Variants in ATP13A4 observed in about 807,000 individuals in gnomAD.
ATP13A4 encodes the protein ATPase 13A4, also known as probable cation-transporting ATPase 13A4.
A neutral mutation model predicts 142.5 loss-of-function variants in ATP13A4; 114 were observed. That is an observed-to-expected ratio of 0.80 (90% CI 0.69 to 0.93). ATP13A4 has a LOEUF of 0.93. Among genes scored for constraint, ATP13A4 ranks in the 40% least tolerant of loss-of-function variants. The pLI, the probability that ATP13A4 is intolerant of heterozygous loss-of-function variation, is 0.00. For synonymous variants in ATP13A4, 488 were observed against 514.8 expected (o/e 0.95, Z 0.70); for missense variants, 1,392 against 1,454.0 (o/e 0.96, Z 0.69).
intron 1 of ATP13A4, among the ~76,000 whole-genome samples, chr3:193,517,719 G>A (rs993898240): frequency 2.0e-5 from 3 of 151,788 alleles, no homozygotes; most frequent in Admixed American, 6.6e-5. Context: ...TCCTGACCTC[G>A]TGATCTGCCC....
At chr3:193,464,854 C>T in intron 12 of ATP13A4, 86 bp downstream of exon 12, 1 of 1,416,342 alleles carries the variant, frequency 7.1e-7, no homozygotes, top group East Asian at 2.3e-5. Context: ...TTCTATGTCT[C>T]CTGCCTTGCA....
At chr3:193,542,703 A>C (rs1461825498) in intron 1 of ATP13A4, among the ~76,000 whole-genome samples, 1 of 152,202 alleles carries the variant, frequency 6.6e-6, no homozygotes, top group East Asian at 1.9e-4. Context: ...ATCTTTGACA[A>C]ACCTGACAAA....
At chr3:193,496,828 AAATAAATAAAT>A (rs1577023402) in intron 3 of ATP13A4, among the ~76,000 whole-genome samples, 2 of 150,520 alleles carry the variant, frequency 1.3e-5, no homozygotes, top group African/African-American at 2.5e-5. Flanking sequence ...ATAAATAAAT[AAATAAATAAAT>A]AAAACTGAGA....
chr3:193,404,208 T>C (rs1714381926), intron 29 of ATP13A4: 1 of 960,150 alleles, frequency 1.0e-6, no homozygotes, highest in South Asian at 4.8e-5. Flanking sequence ...TTTAAAATCT[T>C]ACTTACTTCA....
chr3:193,440,535 A>G, intron 21 of ATP13A4, 23 bp downstream of exon 21: 1 of 1,613,638 alleles, frequency 6.2e-7, no homozygotes, highest in Non-Finnish European at 8.5e-7. Context: ...AGTTCATGCC[A>G]CCTGCACTGG....
chr3:193,467,419 CTG>C lies in ATP13A4; in HGVS notation c.1009_1010del (p.Gln337GlufsTer2). 1 of 1,614,066 alleles carries C rather than the reference CTG, an allele frequency of 6.2e-7. No homozygotes were observed. The highest frequency in any genetic ancestry group is 8.5e-7 in the Non-Finnish European group (1 of 1,180,000). Reference sequence around the variant, plus strand: ...CATGCCGCTTGTAATCCGCTTCACTCTGTGTTTTCCAGGGCACAGAGCTATCC... The same window carrying C: ...CATGCCGCTTGTAATCCGCTTCACTCTGTTTTCCAGGGCACAGAGCTATCC... ...KMDSSVPWKT[Q>X]SEADYKRHVL... On this transcript the variant is annotated frameshift_variant, in exon 10 of 30. Transcript: ENST00000342695. LOFTEE classifies it high-confidence loss of function.
At position 193,400,517 on chromosome 3, in the gene ATP13A4, A is replaced by G. The variant is rs1161205273; in HGVS notation, c.*2135T>C. 6.6e-6 allele frequency among the ~76,000 whole-genome samples: 1 copy of G among 152,212 alleles called. No homozygotes were observed. Among genetic ancestry groups the G allele is most frequent in the Non-Finnish European group, 1.5e-5 (1 of 68,040 alleles). Reference sequence around the variant, plus strand: ...GCCTGGTATTAGCAAAGGGTTGCCCATTCTTTGCTTGACTGTGAGATCACA... The same window carrying G: ...GCCTGGTATTAGCAAAGGGTTGCCCGTTCTTTGCTTGACTGTGAGATCACA... On this transcript the variant is annotated 3_prime_UTR_variant, in exon 30 of 30. Coordinates refer to ENST00000342695, the MANE Select transcript of ATP13A4 (RefSeq NM_032279.4).
rs944562038 is a variant in ATP13A4, at chr3:193,530,498, G to A, written c.61-15627C>T. On this transcript the variant is annotated intron_variant, in intron 1 of 29. Transcript: ENST00000342695. ...CTCCCCACGTTCCCTGAACAGCTGA[G>A]GAGTCCAAGGTCTATTGATTGTCTT... 3.3e-5 allele frequency among the ~76,000 whole-genome samples: 5 copies of A among 152,158 alleles called. No individual in the cohort carries two copies. The East Asian group carries it at 5.8e-4, about 18-fold the overall frequency.
chr3:193,555,554 A>C (rs186492666), upstream of ATP13A4, among the ~76,000 whole-genome samples: 56 of 152,364 alleles, frequency 3.7e-4, no homozygotes, highest in African/African-American at 1.3e-3. Context: ...TCAACACTTA[A>C]GGAAGTCTAG....
At chr3:193,460,605 G>T (rs1717892569) in intron 13 of ATP13A4, among the ~76,000 whole-genome samples, 1 of 152,200 alleles carries the variant, frequency 6.6e-6, no homozygotes, top group South Asian at 2.1e-4. Flanking sequence ...TATCTAAAAG[G>T]AAGAGACCAC....
rs1433814394 is a variant in ATP13A4, at chr3:193,401,880, T to C, written c.*772A>G. ...AATGAGATATGAGTAGGGAAAGCAA[T>C]GTGTGCCACTTTTGGGGTGAGGCAG... On this transcript the variant is annotated 3_prime_UTR_variant, in exon 30 of 30. Coordinates refer to ENST00000342695, the MANE Select transcript of ATP13A4 (RefSeq NM_032279.4). Among the ~76,000 whole-genome samples the C allele has an allele frequency of 6.6e-6, 1 of 151,930 alleles. No homozygotes were observed. Among genetic ancestry groups the C allele is most frequent in the Non-Finnish European group, 1.5e-5 (1 of 67,992 alleles).
At chr3:193,584,225 A>G (rs1446778638) in intron 1 of ATP13A4, among the ~76,000 whole-genome samples, 1 of 152,176 alleles carries the variant, frequency 6.6e-6, no homozygotes, top group African/African-American at 2.4e-5. Context: ...ACGGATGCTT[A>G]CATGTGGAAA....
intron 18 of ATP13A4, among the ~76,000 whole-genome samples, chr3:193,444,550 T>A (rs1716831002): frequency 6.6e-6 from 1 of 152,098 alleles, no homozygotes; most frequent in African/African-American, 2.4e-5. Context: ...AATATAAAAG[T>A]CTAATTTTCT....
chr3:193,452,952 G>T (rs1236880600), intron 17 of ATP13A4, among the ~76,000 whole-genome samples: 1 of 151,870 alleles, frequency 6.6e-6, no homozygotes. Context: ...AGATTGTACT[G>T]TTTTTTTCAG....
chr3:193,461,988 G>A (rs545632641), intron 13 of ATP13A4, among the ~76,000 whole-genome samples: 3 of 152,272 alleles, frequency 2.0e-5, no homozygotes, highest in Admixed American at 6.5e-5. Flanking sequence ...TCAGGAGGCC[G>A]AGGTGGACGG....
intron 23 of ATP13A4, among the ~76,000 whole-genome samples, chr3:193,435,973 G>A (rs1269611294): frequency 6.6e-6 from 1 of 152,180 alleles, no homozygotes; most frequent in Non-Finnish European, 1.5e-5. Context: ...CCTTGATCTG[G>A]TGATGGAGTC....
chr3:193,563,990 C>T (rs1246304583), intron 2 of ATP13A4, among the ~76,000 whole-genome samples: 1 of 152,096 alleles, frequency 6.6e-6, no homozygotes, highest in East Asian at 1.9e-4. Context: ...ATGTTTTCTT[C>T]CCTAAAAAAA....
intron 2 of ATP13A4, among the ~76,000 whole-genome samples, chr3:193,510,591 G>A (rs978740449): frequency 6.6e-6 from 1 of 152,162 alleles, no homozygotes; most frequent in African/African-American, 2.4e-5. Flanking sequence ...TGAACAGAAT[G>A]CTGCTTTTAA....
intron 2 of ATP13A4, among the ~76,000 whole-genome samples, chr3:193,572,865 C>T (rs1467827048): frequency 2.6e-5 from 4 of 151,630 alleles, no homozygotes; most frequent in Non-Finnish European, 4.4e-5. Context: ...GTGTGACTCA[C>T]GCCTGTAATT....
Sources: gnomAD v4.1 joint callset for allele counts (sites outside exome capture counted in the v4.1 genomes callset) on GRCh38, gnomAD v4.1.1 for gene constraint, MANE v1.5 for transcripts, NCBI Gene and HGNC (gene_info 2026-07-23, HGNC 2026-07-21) for gene names.